The following RABGAP1L variants were observed in gnomAD, a reference collection of about 807,000 sequenced individuals.
RABGAP1L encodes RAB GTPase activating protein 1 like.
A neutral mutation model predicts 137.7 loss-of-function variants in RABGAP1L; 63 were observed. The ratio of observed to expected loss-of-function variants is 0.46; its 90% CI spans 0.37 to 0.56. The LOEUF (loss-of-function observed/expected upper bound fraction) is 0.56, where lower values mean the gene tolerates loss of function less well. RABGAP1L is among the 20% of genes least tolerant of loss of function. RABGAP1L has a pLI of 0.00. For missense variants in RABGAP1L, 1,095 were observed against 1,244.0 expected (o/e 0.88, Z 1.80); for synonymous variants, 431 against 433.7 (o/e 0.99, Z 0.08).
At chr1:174,939,144 G>A (rs1020471259) in intron 19 of RABGAP1L, among the ~76,000 whole-genome samples, 2 of 152,010 alleles carry the variant, frequency 1.3e-5, no homozygotes, top group Non-Finnish European at 1.5e-5. Context: ...TTTCTGAAAT[G>A]AGAATTATCT....
chr1:174,503,505 C>G (rs1210797651), intron 13 of RABGAP1L, among the ~76,000 whole-genome samples: 1 of 151,370 alleles, frequency 6.6e-6, no homozygotes, highest in Non-Finnish European at 1.5e-5. Context: ...ACTAAAAATA[C>G]AAAAAATTAG....
chr1:174,556,496 C>T (rs576095117), intron 13 of RABGAP1L, among the ~76,000 whole-genome samples: 1 of 152,296 alleles, frequency 6.6e-6, no homozygotes, highest in African/African-American at 2.4e-5. Flanking sequence ...AGTCTTCTTT[C>T]CCTCTTCCCC....
chr1:174,695,837 A>G (rs963298590), intron 15 of RABGAP1L, among the ~76,000 whole-genome samples: 1 of 152,234 alleles, frequency 6.6e-6, no homozygotes, highest in African/African-American at 2.4e-5. Context: ...CCCAAGCCAA[A>G]TAATGCTGCA....
intron 13 of RABGAP1L, among the ~76,000 whole-genome samples, chr1:174,438,978 T>G (rs1653806900): frequency 6.6e-6 from 1 of 151,680 alleles, no homozygotes. Flanking sequence ...TATTCATTAA[T>G]TCTAGTGGGC....
chr1:174,318,809 C>A (rs997015224), intron 11 of RABGAP1L, among the ~76,000 whole-genome samples: 2 of 151,686 alleles, frequency 1.3e-5, no homozygotes, highest in Admixed American at 6.6e-5. Context: ...CTTATAAAGG[C>A]TGTTTTAACC....
At chr1:174,437,375 G>T (rs1653510878) in intron 13 of RABGAP1L, among the ~76,000 whole-genome samples, 1 of 152,168 alleles carries the variant, frequency 6.6e-6, no homozygotes, top group Non-Finnish European at 1.5e-5. Context: ...AGTCCTTAAA[G>T]GACCTGATGG....
At position 174,236,055 on chromosome 1, in the gene RABGAP1L, TAG is replaced by T. The variant is rs1322312098; in HGVS notation, c.542+4703_542+4704del. ...TTCTAGATTTTCTAGTTTATTTGAG[TAG>T]AGGTGTTTGTAGTATTCTCTGATGG... On this transcript the variant is annotated intron_variant, in intron 4 of 25. Coordinates refer to ENST00000681986, the MANE Select transcript of RABGAP1L (RefSeq NM_001366446.1). Among the ~76,000 whole-genome samples, 4 of 98,504 alleles carry T rather than the reference TAG, an allele frequency of 4.1e-5. No individual in the cohort carries two copies. The East Asian group carries it at 1.0e-3, about 25-fold the overall frequency. 64.6% of individuals were successfully genotyped at this position (98,504 alleles called of 152,430 possible).
intron 17 of RABGAP1L, among the ~76,000 whole-genome samples, chr1:174,743,097 G>T (rs540394192): frequency 3.9e-5 from 6 of 152,162 alleles, no homozygotes; most frequent in Non-Finnish European, 8.8e-5. Flanking sequence ...AAGGAAGAAG[G>T]CTTTAATTGG....
intron 13 of RABGAP1L, among the ~76,000 whole-genome samples, chr1:174,542,229 T>C (rs569368531): frequency 8.5e-5 from 13 of 152,278 alleles, no homozygotes; most frequent in African/African-American, 2.6e-4. Context: ...GTCCTGGACT[T>C]TTTTTGGTTG....
intron 12 of RABGAP1L, among the ~76,000 whole-genome samples, chr1:174,371,403 T>C (rs751059731): frequency 5.3e-5 from 8 of 152,074 alleles, no homozygotes; most frequent in Non-Finnish European, 7.4e-5. Flanking sequence ...TGCATTTAAA[T>C]GTCTACTGTT....
intron 13 of RABGAP1L, among the ~76,000 whole-genome samples, chr1:174,488,094 G>GT (rs1376900151): frequency 2.0e-5 from 3 of 151,852 alleles, no homozygotes; most frequent in African/African-American, 4.8e-5. Context: ...ATTCTGTGGG[G>GT]TTTTTTTCTG....
At chr1:174,580,573 C>T (rs767342932) in intron 13 of RABGAP1L, among the ~76,000 whole-genome samples, 9 of 151,558 alleles carry the variant, frequency 5.9e-5, no homozygotes, top group African/African-American at 9.7e-5. Context: ...AGGTGGGAAT[C>T]GAACAATGAG....
At chr1:174,409,895 T>A (rs1649715455) in intron 13 of RABGAP1L, among the ~76,000 whole-genome samples, 1 of 152,230 alleles carries the variant, frequency 6.6e-6, no homozygotes, top group African/African-American at 2.4e-5. Context: ...ATCAAGACAA[T>A]ACGTGCACAG....
intron 13 of RABGAP1L, among the ~76,000 whole-genome samples, chr1:174,557,717 G>T (rs534749536): frequency 6.6e-6 from 1 of 152,336 alleles, no homozygotes; most frequent in East Asian, 1.9e-4. Context: ...AGCCTCTGGA[G>T]ACTAAACTGC....
intron 13 of RABGAP1L, among the ~76,000 whole-genome samples, chr1:174,447,203 C>T (rs1379376974): frequency 6.6e-6 from 1 of 152,158 alleles, no homozygotes; most frequent in Non-Finnish European, 1.5e-5. Flanking sequence ...ATTAAAACTG[C>T]TTTCATCTAA....
At position 174,193,069 on chromosome 1, in the gene RABGAP1L, G is replaced by T. The variant is rs758352377; in HGVS notation, c.-33-26056G>T. ...CTGCGAACATAAACATGACTAAAATGCCCAGAACTTTCTGGTTTATAGTAG... is the reference window on the plus strand; with the variant it reads ...CTGCGAACATAAACATGACTAAAATTCCCAGAACTTTCTGGTTTATAGTAG... On this transcript the variant is annotated intron_variant, in intron 1 of 25. Coordinates refer to ENST00000681986, the MANE Select transcript of RABGAP1L (RefSeq NM_001366446.1). 7.2e-4 allele frequency among the ~76,000 whole-genome samples: 110 copies of T among 152,292 alleles called. 1 individual carries two copies. Among genetic ancestry groups the T allele is most frequent in the Admixed American group, 1.8e-3 (27 of 15,294 alleles).
At chr1:174,834,341 G>A (rs923116353) in intron 19 of RABGAP1L, among the ~76,000 whole-genome samples, 12 of 151,434 alleles carry the variant, frequency 7.9e-5, no homozygotes, top group East Asian at 1.9e-4. Flanking sequence ...CAGGAGAATC[G>A]CTTGAACCTG....
intron 11 of RABGAP1L, among the ~76,000 whole-genome samples, chr1:174,335,095 GC>G (rs1467690824): frequency 1.3e-5 from 2 of 151,962 alleles, no homozygotes; most frequent in African/African-American, 4.8e-5. Context: ...ATAAAAAAAA[GC>G]TACGAAAATT....
intron 17 of RABGAP1L, among the ~76,000 whole-genome samples, chr1:174,730,618 T>G (rs1682387184): frequency 6.6e-6 from 1 of 152,172 alleles, no homozygotes; most frequent in Admixed American, 6.5e-5. Context: ...ACTGGTTAAT[T>G]ATGTTTAAAA....
Sources: gnomAD v4.1 joint callset for allele counts (sites outside exome capture counted in the v4.1 genomes callset) on GRCh38, gnomAD v4.1.1 for gene constraint, MANE v1.5 for transcripts, NCBI Gene and HGNC (gene_info 2026-07-23, HGNC 2026-07-21) for gene names.